LMAN1: variants seen among roughly 807,000 people sequenced by gnomAD.
LMAN1 encodes the protein lectin, mannose binding 1, also known as protein ERGIC-53.
A neutral mutation model predicts 67.8 loss-of-function variants in LMAN1; 32 were observed. The observed-to-expected ratio is 0.47, with a 90% CI of 0.36 to 0.63. The LOEUF is 0.63. Ranked by LOEUF, LMAN1 falls within the 30% of genes least tolerant of loss-of-function variation. The pLI, the probability that LMAN1 is intolerant of heterozygous loss-of-function variation, is 0.00. For synonymous variants in LMAN1, 235 were observed against 219.3 expected, an observed-to-expected ratio of 1.07 and a Z score of -0.63; for missense variants, 632 against 628.2, an observed-to-expected ratio of 1.01 and a Z score of -0.06.
chr18:59,354,937 A>G (rs1288330267), intron 3 of LMAN1, among the ~76,000 whole-genome samples: 2 of 152,354 alleles, frequency 1.3e-5, no homozygotes, highest in Middle Eastern at 3.4e-3. Context: ...TGAATATGTG[A>G]GCTAGCATTA....
intron 7 of LMAN1, 95 bp from the exon 8 acceptor site, chr18:59,346,146 C>T (rs765434842): frequency 2.6e-4 from 268 of 1,018,758 alleles, no homozygotes; most frequent in Non-Finnish European, 3.5e-4. Context: ...AACTCTTCTA[C>T]CACTAGCGGA....
chr18:59,344,259 T>C (rs911966062), intron 8 of LMAN1, among the ~76,000 whole-genome samples: 1 of 152,080 alleles, frequency 6.6e-6, no homozygotes, highest in Non-Finnish European at 1.5e-5. Flanking sequence ...AAAATTAGAA[T>C]TACCGTTTGA....
intron 6 of LMAN1, among the ~76,000 whole-genome samples, chr18:59,348,677 G>C (rs1328320543): frequency 6.6e-6 from 1 of 152,150 alleles, no homozygotes; most frequent in Admixed American, 6.5e-5. Flanking sequence ...CCTTTCCTTA[G>C]GTTGCCAAAT....
At chr18:59,334,539 G>C (rs1387579028) in intron 10 of LMAN1, among the ~76,000 whole-genome samples, 1 of 152,208 alleles carries the variant, frequency 6.6e-6, no homozygotes, top group African/African-American at 2.4e-5. Flanking sequence ...CAAGTGAAAA[G>C]AGGGCTGGAC....
rs560640673 is a variant in LMAN1 at position 59,346,099 on chromosome 18, A to T, written c.823-48T>A. ...AGATCATTAAAAAGATAAGAAAATCATTAAGATATCTCTATACATGTTATT... is the reference window on the plus strand; with the variant it reads ...AGATCATTAAAAAGATAAGAAAATCTTTAAGATATCTCTATACATGTTATT... On this transcript the variant is annotated intron_variant, in intron 7 of 12. Coordinates refer to ENST00000251047, the MANE Select transcript of LMAN1 (RefSeq NM_005570.4). 3.4e-6 allele frequency: 5 copies of T among 1,468,942 alleles called. No individual in the cohort carries two copies. In the African/African-American group the frequency reaches 7.1e-5, roughly 21 times the overall value. 91.0% of individuals were successfully genotyped at this position (1,468,942 alleles called of 1,614,324 possible). A position where few individuals can be genotyped will look rare whatever the true frequency, so the allele number is the denominator to read the frequency against.
At chr18:59,335,230 T>C (rs1269407481) in intron 10 of LMAN1, among the ~76,000 whole-genome samples, 1 of 152,038 alleles carries the variant, frequency 6.6e-6, no homozygotes, top group East Asian at 1.9e-4. Context: ...GGTCAGGAGT[T>C]CGAGACCAGC....
In LMAN1 at chr18:59,359,065, G is replaced by T; in HGVS notation, c.180C>A (p.Ser60Arg). The T allele has an allele frequency of 2.5e-6, 4 of 1,614,030 alleles. No individual in the cohort carries two copies. Among genetic ancestry groups the T allele is most frequent in the Non-Finnish European group, 2.5e-6 (3 of 1,179,976 alleles). Residue 60 changes from serine to arginine, a missense_variant, in exon 1 of 13, where the codon AGC becomes AGA. By Grantham distance (110) the Ser-to-Arg change is moderately radical (BLOSUM62 -1). Coordinates refer to ENST00000251047, the MANE Select transcript of LMAN1 (RefSeq NM_005570.4). Reference sequence around the variant, plus strand: ...GGGCCCAGAAGGGCACGGTCCCGTCGCTCTGCACCAGGTGCGGCCCCTTGA... The same window carrying T: ...GGGCCCAGAAGGGCACGGTCCCGTCTCTCTGCACCAGGTGCGGCCCCTTGA... ...YSFKGPHLVQSDGTVPFWAHA... is the reference protein window; with the variant it reads ...YSFKGPHLVQRDGTVPFWAHA...
chr18:59,358,165 T>C (rs1908704805), intron 1 of LMAN1, among the ~76,000 whole-genome samples: 1 of 152,192 alleles, frequency 6.6e-6, no homozygotes, highest in Admixed American at 6.5e-5. Context: ...TGCAGATATG[T>C]TTTCTTTCAC....
In LMAN1 at chr18:59,359,214, C is replaced by T; in HGVS notation, c.31G>A (p.Ala11Thr). MAGSRQRGLR[A>T]RVRPLFCALL... is the part of the protein sequence containing the mutation. The stretch of plus-strand genomic sequence containing the variant: ...GCGCAGAACAGCGGCCGAACTCTGG[C>T]CCGGAGACCCCTTTGCCTGGATCCC... Residue 11 changes from alanine (A) to threonine (T), a missense_variant, in exon 1 of 13, where the codon GCC (alanine) becomes ACC (threonine). Coordinates refer to ENST00000251047, the MANE Select transcript of LMAN1 (RefSeq NM_005570.4). 1 of 1,613,936 alleles carries T rather than the reference C, an allele frequency of 6.2e-7. No homozygotes were observed. Among genetic ancestry groups the T allele is most frequent in the Non-Finnish European group, 8.5e-7 (1 of 1,179,880 alleles).
In LMAN1 at chr18:59,358,990, G is replaced by C. The variant is rs372000950; in HGVS notation, c.214+41C>G. On this transcript the variant is annotated intron_variant, in intron 1 of 12. Coordinates refer to ENST00000251047, the MANE Select transcript of LMAN1 (RefSeq NM_005570.4). Reference sequence around the variant, plus strand: ...ATGAAAGGCGAAGAGGCAGCAGAAGGGGGAGAGGAACCCGGCCCCCAGCCC... The same window carrying C: ...ATGAAAGGCGAAGAGGCAGCAGAAGCGGGAGAGGAACCCGGCCCCCAGCCC... The C allele has an allele frequency of 8.4e-5, 133 of 1,588,488 alleles. No homozygotes were observed. The African/African-American group carries it at 1.5e-3, about 17-fold the overall frequency.
chr18:59,343,131 C>T (rs541911792), intron 8 of LMAN1, among the ~76,000 whole-genome samples: 6 of 148,624 alleles, frequency 4.0e-5, no homozygotes, highest in East Asian at 2.0e-4. Context: ...TTCAAAACAA[C>T]GATGAGAGAA....
Position 59,338,619 on chromosome 18 carries a change from T to A in LMAN1, c.1158A>T (p.Gln386His). 6.2e-7 allele frequency: 1 copy of A among 1,613,668 alleles called. No homozygotes were observed. Among genetic ancestry groups the A allele is most frequent in the Non-Finnish European group, 8.5e-7 (1 of 1,179,596 alleles). The change falls in exon 10 of 13, where the codon CAA (glutamine) becomes CAT (histidine). Residue 386 changes from glutamine (Q) to histidine (H), a missense_variant. Gln to His is a conservative substitution (Grantham distance 24). Coordinates refer to ENST00000251047, the MANE Select transcript of LMAN1 (RefSeq NM_005570.4). Reference protein sequence around the residue: ...GMPGQHGQITQQELDTVVKTQ... With the variant: ...GMPGQHGQITHQELDTVVKTQ... The stretch of plus-strand genomic sequence containing the variant: ...TTTTCACAACAGTATCCAGTTCTTG[T>A]TGAGTAATCTGGAGGAAGAAACAAT...
At chr18:59,337,761 T>C (rs1177910759) in intron 10 of LMAN1, among the ~76,000 whole-genome samples, 1 of 152,190 alleles carries the variant, frequency 6.6e-6, no homozygotes, top group Non-Finnish European at 1.5e-5. Context: ...TGAAGAAATA[T>C]AAATTTGCAG....
Position 59,352,859 on chromosome 18 carries a change from C to T in LMAN1, c.639+343G>A, listed in dbSNP as rs958660098. ...CTATAAGCTCTCTGGGGAGAAAGTC[C>T]ATCTGTCTTACTCATATTTGTATCC... On this transcript the variant is annotated intron_variant, in intron 5 of 12. Coordinates refer to ENST00000251047, the MANE Select transcript of LMAN1 (RefSeq NM_005570.4). 15 of 328,380 alleles carry T rather than the reference C, an allele frequency of 4.6e-5. No homozygotes were observed. The East Asian group carries it at 1.2e-3, about 25-fold the overall frequency. 20.3% of individuals were successfully genotyped at this position (328,380 alleles called of 1,614,324 possible).
rs1203822792 is a variant in LMAN1 at position 59,347,562 on chromosome 18, T to C, written c.773A>G (p.Asp258Gly). 1.9e-6 allele frequency: 3 copies of C among 1,603,858 alleles called. No individual in the cohort carries two copies. Among genetic ancestry groups the C allele is most frequent in the Non-Finnish European group, 2.6e-6 (3 of 1,173,298 alleles). Residue 258 changes from aspartate to glycine, a missense_variant, in exon 7 of 13, where the codon GAT becomes GGT. Coordinates refer to ENST00000251047, the MANE Select transcript of LMAN1 (RefSeq NM_005570.4). ...CTGGAAAGTCAGAAAAGAAAGGACA[T>C]CATGGTCATCTACAAATTAAAAAAA... ...AATGGLADDH[D>G]VLSFLTFQLT...
Position 59,347,608 on chromosome 18 carries a change from A to C in LMAN1, c.764-37T>G, listed in dbSNP as rs750576137. 5.3e-6 allele frequency: 7 copies of C among 1,309,364 alleles called. No individual in the cohort carries two copies. The South Asian group carries it at 6.4e-5, about 12-fold the overall frequency. 81.1% of individuals were successfully genotyped at this position (1,309,364 alleles called of 1,614,324 possible). A position where few individuals can be genotyped will look rare whatever the true frequency, so the allele number is the denominator to read the frequency against. On this transcript the variant is annotated intron_variant, in intron 6 of 12. Coordinates refer to ENST00000251047, the MANE Select transcript of LMAN1 (RefSeq NM_005570.4). ...AAAAAAAAAAGTCTGAAAAAGTTCC[A>C]TAGGAGATTACTTTTATCATTGTAA...
rs761475303 is a variant in LMAN1 at position 59,346,055 on chromosome 18, T to C, written c.823-4A>G. 6 of 1,603,318 alleles carry C rather than the reference T, an allele frequency of 3.7e-6. No individual in the cohort carries two copies. The South Asian group carries it at 6.7e-5, about 18-fold the overall frequency. ...AAATTTCTTTATCTGGTGTGGGCTT[T>C]TTTTTGGAGTTTTGGAATAGATCAT... On this transcript the variant is annotated splice_region_variant and splice_polypyrimidine_tract_variant and intron_variant, in intron 7 of 12. Transcript: ENST00000251047.
intron 8 of LMAN1, among the ~76,000 whole-genome samples, chr18:59,343,143 T>G (rs527720201): frequency 1.3e-5 from 2 of 148,364 alleles, no homozygotes; most frequent in East Asian, 2.0e-4. Context: ...ATGAGAGAAA[T>G]GGTAGATGAC....
At position 59,330,273 on chromosome 18, in the gene LMAN1, G is replaced by A. The variant is rs1179146506; in HGVS notation, c.*820C>T. On this transcript the variant is annotated 3_prime_UTR_variant, in exon 13 of 13. Coordinates refer to ENST00000251047, the MANE Select transcript of LMAN1 (RefSeq NM_005570.4). ...CTGAATTTACATGCTGTAGTAAAGG[G>A]AGAAATAAATTCCTTAAGTTACAAA... The A allele has an allele frequency of 6.6e-6, 1 of 152,498 alleles. No individual in the cohort carries two copies. Among genetic ancestry groups the A allele is most frequent in the Non-Finnish European group, 1.5e-5 (1 of 67,996 alleles). The allele number at this position is 152,498 out of a possible 1,614,324, so 9.4% of individuals were successfully genotyped here.
Sources: allele counts gnomAD v4.1 joint callset (sites outside exome capture counted in the v4.1 genomes callset), GRCh38; gene constraint gnomAD v4.1.1; transcripts MANE v1.5; gene names NCBI Gene and HGNC (gene_info 2026-07-23, HGNC 2026-07-21).